The following PCM1 variants were observed in gnomAD, a reference collection of about 807,000 sequenced individuals.
PCM1 encodes the protein pericentriolar material 1.
PCM1 carries 157 observed loss-of-function variants against 241.9 expected under a neutral mutation model. The ratio of observed to expected loss-of-function variants is 0.65; its 90% CI spans 0.57 to 0.74. The LOEUF is 0.74. PCM1 is among the 30% of genes least tolerant of loss of function. The pLI is 0.00. For synonymous variants in PCM1, 1,085 were observed against 784.9 expected (o/e 1.38, Z -6.39); for missense variants, 3,478 against 2,360.1 (o/e 1.47, Z -9.81).
chr8:18,009,569 G>T lies in PCM1; in HGVS notation c.4985G>T (p.Gly1662Val). ...ILQDSLAKFA[G>V]RKLKDCGEDL... ...TAGGATTCACTGGCAAAATTTGCTG[G>T]CAGAAAACTGAAAGACTGTGGAGAA... The change falls in exon 31 of 39, where the codon GGC becomes GTC. Residue 1662 changes from glycine to valine, a missense_variant. By Grantham distance (109) the Gly-to-Val change is moderately radical (BLOSUM62 -3). Coordinates refer to ENST00000325083, the MANE Select transcript of PCM1 (RefSeq NM_006197.4). The T allele has an allele frequency of 6.3e-7, 1 of 1,599,836 alleles. No homozygotes were observed. Among genetic ancestry groups the T allele is most frequent in the Non-Finnish European group, 8.5e-7 (1 of 1,172,436 alleles).
intron 26 of PCM1, among the ~76,000 whole-genome samples, chr8:17,986,833 G>A (rs2082767643): frequency 6.6e-6 from 1 of 151,810 alleles, no homozygotes; most frequent in African/African-American, 2.4e-5. Context: ...AGAGATACAT[G>A]GGTAAGAGTT....
Position 17,980,599 on chromosome 8 carries a change from A to G in PCM1, c.3952A>G (p.Ser1318Gly). ...KSRVKNIRYE[S>G]ASMSSTCEPC... is the part of the protein sequence containing the mutation. ...CACTTTTTTTACTCAAGGGTATGAA[A>G]GTGCCAGTATGTCTAGCACATGTGA... Residue 1318 changes from serine (S) to glycine (G), a missense_variant, in exon 24 of 39, where the codon AGT (serine) becomes GGT (glycine). Ser to Gly is a moderately conservative substitution (Grantham distance 56). Coordinates refer to ENST00000325083, the MANE Select transcript of PCM1 (RefSeq NM_006197.4). 6.3e-7 allele frequency: 1 copy of G among 1,590,838 alleles called. No individual in the cohort carries two copies. The highest frequency in any genetic ancestry group is 8.5e-7 in the Non-Finnish European group (1 of 1,171,456).
Position 17,986,049 on chromosome 8 carries a change from G to C in PCM1, c.4372G>C (p.Glu1458Gln). 1.2e-6 allele frequency: 2 copies of C among 1,602,028 alleles called. No homozygotes were observed. Among genetic ancestry groups the C allele is most frequent in the Non-Finnish European group, 1.7e-6 (2 of 1,172,962 alleles). The change falls in exon 26 of 39, where the codon GAA (glutamate) becomes CAA (glutamine). Residue 1458 changes from glutamate to glutamine, a missense_variant. By Grantham distance (29) the Glu-to-Gln change is conservative (BLOSUM62 2). Coordinates refer to ENST00000325083, the MANE Select transcript of PCM1 (RefSeq NM_006197.4). The stretch of plus-strand genomic sequence containing the variant: ...TGGTACTTGGATAGCATCAAACTCA[G>C]AACTTACTCCTAGTGAGAGCCTTGC... ...NSGTWIASNSELTPSESLATT... is the reference protein window; with the variant it reads ...NSGTWIASNSQLTPSESLATT...
intron 32 of PCM1, among the ~76,000 whole-genome samples, chr8:18,010,920 C>A (rs1273421391): frequency 6.6e-6 from 1 of 152,132 alleles, no homozygotes; most frequent in African/African-American, 2.4e-5. Flanking sequence ...TGGTATTGAG[C>A]CGAGATCATG....
At chr8:17,969,873 A>G in intron 22 of PCM1, 125 bp downstream of exon 22, 1 of 712,304 alleles carries the variant, frequency 1.4e-6, no homozygotes, top group Non-Finnish European at 2.3e-6. Flanking sequence ...GATGTTGGAA[A>G]TATGAAACTT....
intron 16 of PCM1, 199 bp from the exon 17 acceptor site, chr8:17,962,902 C>CAAA (rs376483193): frequency 2.6e-4 from 89 of 348,608 alleles, no homozygotes; most frequent in Non-Finnish European, 2.8e-4. Context: ...GACTCTGTCT[C>CAAA]AAAAAAAAAA....
Position 17,938,904 on chromosome 8 carries a change from A to G in PCM1, c.507A>G (p.Ala169=). 1 of 1,613,752 alleles carries G rather than the reference A, an allele frequency of 6.2e-7. No homozygotes were observed. The highest frequency in any genetic ancestry group is 1.1e-5 in the South Asian group (1 of 91,086). The change falls in exon 5 of 39, where the codon GCA becomes GCG. Residue 169 remains alanine, a synonymous_variant. Transcript: ENST00000325083. The part of the protein sequence containing the change: ...NPPNRETIGS[A]QCKELFASAL... ...CAAACAGAGAAACGATTGGATCAGC[A>G]CAGTGTAAAGAGTTGTTTGCTTCTG...
chr8:17,949,612 C>A (rs1275438360), intron 7 of PCM1, among the ~76,000 whole-genome samples: 1 of 151,960 alleles, frequency 6.6e-6, no homozygotes, highest in African/African-American at 2.4e-5. Context: ...ATTCTCTCAC[C>A]CCAGCCTCCT....
At position 17,966,358 on chromosome 8, in the gene PCM1, A is replaced by G; in HGVS notation, c.3106A>G (p.Thr1036Ala). 1 of 1,613,840 alleles carries G rather than the reference A, an allele frequency of 6.2e-7. No individual in the cohort carries two copies. Among genetic ancestry groups the G allele is most frequent in the African/African-American group, 1.3e-5 (1 of 75,050 alleles). Residue 1036 changes from threonine (T) to alanine (A), a missense_variant, in exon 20 of 39, where the codon ACG (threonine) becomes GCG (alanine). Coordinates refer to ENST00000325083, the MANE Select transcript of PCM1 (RefSeq NM_006197.4). ...ATCTTGTCTGCTACAAACTCTTCTCACGGGTCCTTACAGTGTTATGCCCAG... is the reference window on the plus strand; with the variant it reads ...ATCTTGTCTGCTACAAACTCTTCTCGCGGGTCCTTACAGTGTTATGCCCAG... Reference protein sequence around the residue: ...TLSCLLQTLLTGPYSVMPSNV... With the variant: ...TLSCLLQTLLAGPYSVMPSNV...
rs1484856705 is a variant in PCM1, at chr8:17,939,868, A to G, written c.783+7A>G. On this transcript the variant is annotated splice_region_variant and intron_variant, in intron 6 of 38. Coordinates refer to ENST00000325083, the MANE Select transcript of PCM1 (RefSeq NM_006197.4). ...ATTTCTTAAAAAAATCCTTGTAAGT[A>G]TTCGACTTTTAAAATAACATATTAT... The G allele has an allele frequency of 7.1e-7, 1 of 1,416,560 alleles. No individual in the cohort carries two copies. 87.7% of individuals were successfully genotyped at this position (1,416,560 alleles called of 1,614,324 possible). A position where few individuals can be genotyped will look rare whatever the true frequency, so the allele number is the denominator to read the frequency against.
intron 2 of PCM1, among the ~76,000 whole-genome samples, chr8:17,931,569 T>G (rs531242910): frequency 1.3e-5 from 2 of 152,232 alleles, no homozygotes; most frequent in Non-Finnish European, 2.9e-5. Context: ...TACATTTATC[T>G]TACTTTACTA....
At chr8:17,944,736 G>T (rs1413602236) in intron 6 of PCM1, among the ~76,000 whole-genome samples, 1 of 151,928 alleles carries the variant, frequency 6.6e-6, no homozygotes, top group African/African-American at 2.4e-5. Context: ...TTCATCATAG[G>T]CTGTACTCCC....
intron 9 of PCM1, among the ~76,000 whole-genome samples, chr8:17,955,206 C>G (rs554387398): frequency 6.6e-6 from 1 of 152,158 alleles, no homozygotes; most frequent in African/African-American, 2.4e-5. Context: ...CAATTTCCAT[C>G]TTTTTTCTTT....
chr8:17,968,055 C>CAGAAA (rs2075565381), intron 21 of PCM1, among the ~76,000 whole-genome samples: 1 of 112,018 alleles, frequency 8.9e-6, no homozygotes, highest in African/African-American at 2.8e-5. Flanking sequence ...GTTCCGCCGC[C>CAGAAA]AAAAAAAAAA....
chr8:18,021,876 AGCTCT>A (rs2093780502), intron 36 of PCM1, among the ~76,000 whole-genome samples: 1 of 152,202 alleles, frequency 6.6e-6, no homozygotes, highest in Non-Finnish European at 1.5e-5. Context: ...TGTATTTGTT[AGCTCT>A]GAAATGACTC....
intron 2 of PCM1, 133 bp from the exon 3 acceptor site, chr8:17,935,456 T>C: frequency 1.7e-6 from 1 of 580,888 alleles, no homozygotes. Context: ...GTCTGTGATG[T>C]GGTTGACAGT....
At chr8:17,970,582 A>G (rs534811560) in intron 22 of PCM1, among the ~76,000 whole-genome samples, 13 of 152,006 alleles carry the variant, frequency 8.6e-5, no homozygotes, top group African/African-American at 2.9e-4. Flanking sequence ...ATGTTGCTCT[A>G]TAAAGGTATT....
rs976519312 is a variant in PCM1 at position 17,952,963 on chromosome 8, T to A, written c.1072-7T>A. 6.6e-6 allele frequency: 10 copies of A among 1,519,516 alleles called. No individual in the cohort carries two copies. Among genetic ancestry groups the A allele is most frequent in the East Asian group, 2.3e-5 (1 of 43,568 alleles). 94.1% of individuals were successfully genotyped at this position (1,519,516 alleles called of 1,614,324 possible). A position where few individuals can be genotyped will look rare whatever the true frequency, so the allele number is the denominator to read the frequency against. ...ATTCTTCTTTTTTGTTGTTTTTTTTTAATAAGCCTCCAGCTGTTCCAGACA... is the reference window on the plus strand; with the variant it reads ...ATTCTTCTTTTTTGTTGTTTTTTTTAAATAAGCCTCCAGCTGTTCCAGACA... On this transcript the variant is annotated splice_region_variant and splice_polypyrimidine_tract_variant and intron_variant, in intron 8 of 38. Transcript: ENST00000325083.
intron 2 of PCM1, among the ~76,000 whole-genome samples, chr8:17,930,947 T>G (rs2058824986): frequency 1.3e-5 from 2 of 152,222 alleles, no homozygotes; most frequent in African/African-American, 2.4e-5. Flanking sequence ...TTTTACTTTT[T>G]AAAGGCATAC....
Sources: allele counts gnomAD v4.1 joint callset (sites outside exome capture counted in the v4.1 genomes callset), GRCh38; gene constraint gnomAD v4.1.1; transcripts MANE v1.5; gene names NCBI Gene and HGNC (gene_info 2026-07-23, HGNC 2026-07-21).